The following FBXL17 variants were observed in gnomAD, a reference collection of about 807,000 sequenced individuals.
FBXL17 encodes F-box/LRR-repeat protein 17.
In FBXL17, 22 loss-of-function variants were observed where a neutral mutation model predicts 66.2. The ratio of observed to expected loss-of-function variants is 0.33; its 90% CI spans 0.24 to 0.47. The LOEUF is 0.47. FBXL17 is among the 20% of genes least tolerant of loss of function. The pLI is 1.00. For synonymous variants in FBXL17, 474 were observed against 400.5 expected, an observed-to-expected ratio of 1.18 and a Z score of -2.19; for missense variants, 878 against 948.2, an observed-to-expected ratio of 0.93 and a Z score of 0.97.
intron 7 of FBXL17, among the ~76,000 whole-genome samples, chr5:107,994,763 G>C (rs1050009995): frequency 6.6e-6 from 1 of 152,024 alleles, no homozygotes; most frequent in Non-Finnish European, 1.5e-5. Flanking sequence ...CCTTCAACCC[G>C]GGAGGCGGAG....
At chr5:107,980,664 A>ATATATATATATATTTTTTTTTTT in intron 7 of FBXL17, among the ~76,000 whole-genome samples, 2 of 62,102 alleles carry the variant, frequency 3.2e-5, no homozygotes, top group African/African-American at 2.1e-4. Flanking sequence ...ATATATATAT[A>ATATATATATATATTTTTTTTTTT]TTTTTTTTTT....
At chr5:108,220,547 G>C (rs907198817) in intron 5 of FBXL17, among the ~76,000 whole-genome samples, 2 of 151,988 alleles carry the variant, frequency 1.3e-5, no homozygotes, top group Admixed American at 1.3e-4. Flanking sequence ...CCCCTGTTAC[G>C]CCACCTAAGC....
intron 1 of FBXL17, among the ~76,000 whole-genome samples, chr5:108,368,157 T>C (rs1392646907): frequency 6.6e-6 from 1 of 151,992 alleles, no homozygotes; most frequent in East Asian, 1.9e-4. Flanking sequence ...TTATATTTTC[T>C]GTAAGAAGAG....
chr5:108,124,710 G>A (rs937538363), intron 6 of FBXL17, among the ~76,000 whole-genome samples: 1 of 151,878 alleles, frequency 6.6e-6, no homozygotes, highest in African/African-American at 2.4e-5. Context: ...TCATTCTCAC[G>A]GGAAAATAAC....
At chr5:107,908,915 A>T (rs375694063) in intron 7 of FBXL17, among the ~76,000 whole-genome samples, 3 of 152,028 alleles carry the variant, frequency 2.0e-5, no homozygotes, top group Admixed American at 6.6e-5. Flanking sequence ...GGGACAGTGA[A>T]CTCCTTCTGA....
chr5:107,975,883 G>A (rs1193354364), intron 7 of FBXL17, among the ~76,000 whole-genome samples: 3 of 144,634 alleles, frequency 2.1e-5, no homozygotes, highest in South Asian at 2.2e-4. Flanking sequence ...TTTTTGAAAC[G>A]GGGTCTCACT....
chr5:108,377,450 A>G (rs931614191), intron 1 of FBXL17, among the ~76,000 whole-genome samples: 16 of 152,246 alleles, frequency 1.1e-4, no homozygotes, highest in Non-Finnish European at 1.8e-4. Context: ...TCATTGCCCC[A>G]AATTGAATCA....
At chr5:108,379,202 T>C (rs190128727) in intron 1 of FBXL17, among the ~76,000 whole-genome samples, 1 of 152,366 alleles carries the variant, frequency 6.6e-6, no homozygotes, top group African/African-American at 2.4e-5. Flanking sequence ...TGAAATAATT[T>C]GTAAGTAGAA....
chr5:108,202,877 C>A (rs142761130), intron 5 of FBXL17, among the ~76,000 whole-genome samples: 1 of 151,946 alleles, frequency 6.6e-6, no homozygotes, highest in East Asian at 1.9e-4. Context: ...TGCTATAGTA[C>A]GAGTTTTTTA....
intron 6 of FBXL17, among the ~76,000 whole-genome samples, chr5:108,088,301 T>C (rs1439683998): frequency 3.3e-5 from 5 of 152,236 alleles, no homozygotes. Context: ...AGACATTCAA[T>C]TCACAAAATC....
At chr5:107,950,554 A>G (rs1199535901) in intron 7 of FBXL17, among the ~76,000 whole-genome samples, 2 of 152,192 alleles carry the variant, frequency 1.3e-5, no homozygotes, top group Non-Finnish European at 2.9e-5. Flanking sequence ...AGAATGTACA[A>G]ATATGCCATT....
intron 4 of FBXL17, chr5:108,298,974 A>C (rs1758463256): frequency 1.0e-6 from 1 of 969,586 alleles, no homozygotes; most frequent in Non-Finnish European, 1.2e-6. Context: ...CCAGCATTTA[A>C]TGTATTAGGA....
chr5:107,983,492 C>A (rs1159836725), intron 7 of FBXL17, among the ~76,000 whole-genome samples: 1 of 151,856 alleles, frequency 6.6e-6, no homozygotes, highest in Non-Finnish European at 1.5e-5. Context: ...CTGGGCCCAC[C>A]CAGCATTCTT....
At chr5:108,051,963 A>T (rs1003495337) in intron 6 of FBXL17, among the ~76,000 whole-genome samples, 1 of 151,762 alleles carries the variant, frequency 6.6e-6, no homozygotes, top group African/African-American at 2.4e-5. Flanking sequence ...ATACAAAAAA[A>T]CTAGCCGGGT....
chr5:108,259,967 C>CA (rs1200310894), intron 4 of FBXL17, among the ~76,000 whole-genome samples: 1 of 144,274 alleles, frequency 6.9e-6, no homozygotes, highest in African/African-American at 2.6e-5. Context: ...GCTTCCTCTA[C>CA]AAAAATCAAT....
intron 7 of FBXL17, among the ~76,000 whole-genome samples, chr5:107,982,421 T>C (rs1285284100): frequency 6.6e-6 from 1 of 151,988 alleles, no homozygotes; most frequent in Admixed American, 6.6e-5. Context: ...GAGTACTCTT[T>C]GCTTTATGAG....
chr5:107,863,025 G>T (rs1416482383), intron 8 of FBXL17, among the ~76,000 whole-genome samples: 1 of 151,422 alleles, frequency 6.6e-6, no homozygotes, highest in Non-Finnish European at 1.5e-5. Context: ...CTCTACTTAA[G>T]ACTTGCTTGC....
intron 7 of FBXL17, among the ~76,000 whole-genome samples, chr5:107,956,105 A>G (rs926059275): frequency 6.6e-6 from 1 of 152,198 alleles, no homozygotes; most frequent in African/African-American, 2.4e-5. Flanking sequence ...ATTGTGTAGT[A>G]AAAGTCAATT....
At position 107,868,354 on chromosome 5, in the gene FBXL17, T is replaced by G. The variant is rs142523979; in HGVS notation, c.1966-6494A>C. ...GCATATAAATACATTTCAAAGTCCT[T>G]GATAATGTTTTCAAAATGGGTGCTC... On this transcript the variant is annotated intron_variant, in intron 8 of 8. Coordinates refer to ENST00000542267, the MANE Select transcript of FBXL17 (RefSeq NM_001163315.3). Among the ~76,000 whole-genome samples the G allele has an allele frequency of 5.5e-3, 835 of 152,344 alleles. 11 individuals are homozygous for G. Among genetic ancestry groups the G allele is most frequent in the African/African-American group, 0.019 (803 of 41,580 alleles).
Sources: allele counts gnomAD v4.1 joint callset (sites outside exome capture counted in the v4.1 genomes callset), GRCh38; gene constraint gnomAD v4.1.1; transcripts MANE v1.5; gene names NCBI Gene and HGNC (gene_info 2026-07-23, HGNC 2026-07-21).